FAF1: variants seen among roughly 807,000 people sequenced by gnomAD.
FAF1 encodes FAS-associated factor 1.
In FAF1, 25 loss-of-function variants were observed where a neutral mutation model predicts 92.5. That is an observed-to-expected ratio of 0.27 (90% confidence interval 0.20 to 0.38). FAF1 has a LOEUF of 0.38. Among genes scored for constraint, FAF1 ranks in the 10% least tolerant of loss-of-function variants. FAF1 has a pLI of 1.00. For missense variants in FAF1, 636 were observed against 793.3 expected (o/e 0.80, Z 2.38); for synonymous variants, 234 against 273.2 (o/e 0.86, Z 1.42).
Position 50,824,362 on chromosome 1 carries a change from T to A in FAF1, c.115-22685A>T, listed in dbSNP as rs190273048. 2.3e-3 allele frequency among the ~76,000 whole-genome samples: 352 copies of A among 152,258 alleles called. 1 individual carries two copies. The highest frequency in any genetic ancestry group is 8.3e-3 in the African/African-American group (344 of 41,570). On this transcript the variant is annotated intron_variant, in intron 2 of 18. Coordinates refer to ENST00000396153, the MANE Select transcript of FAF1 (RefSeq NM_007051.3). Reference sequence around the variant, plus strand: ...ACTGCCAAAACCTATTTGAAGATAGTTATTATACTGATCATTCATTTAGCA... The same window carrying A: ...ACTGCCAAAACCTATTTGAAGATAGATATTATACTGATCATTCATTTAGCA...
chr1:50,881,904 A>C (rs1191704198), intron 1 of FAF1, among the ~76,000 whole-genome samples: 1 of 152,208 alleles, frequency 6.6e-6, no homozygotes, highest in Non-Finnish European at 1.5e-5. Flanking sequence ...ATACAGGTAA[A>C]GCATAAATTT....
chr1:50,821,205 TAAAA>T (rs938024202), intron 2 of FAF1, among the ~76,000 whole-genome samples: 2 of 152,194 alleles, frequency 1.3e-5, no homozygotes, highest in African/African-American at 4.8e-5. Flanking sequence ...TATGCAACTT[TAAAA>T]AAAATCTATT....
chr1:50,535,493 C>A (rs1223332656), intron 14 of FAF1, 36 bp from the exon 15 acceptor site: 16 of 1,190,092 alleles, frequency 1.3e-5, no homozygotes, highest in Non-Finnish European at 2.0e-5. Flanking sequence ...CTTTTATAAT[C>A]ATTTTATATA....
chr1:50,719,577 A>C (rs779833706), intron 6 of FAF1, among the ~76,000 whole-genome samples: 4 of 152,236 alleles, frequency 2.6e-5, no homozygotes, highest in Non-Finnish European at 4.4e-5. Flanking sequence ...TATTAACCAA[A>C]GTATGTAAAA....
At position 50,735,480 on chromosome 1, in the gene FAF1, T is replaced by C. The variant is rs1249426807; in HGVS notation, c.551+3383A>G. On this transcript the variant is annotated intron_variant, in intron 6 of 18. Coordinates refer to ENST00000396153, the MANE Select transcript of FAF1 (RefSeq NM_007051.3). ...CAGTTTACAATTATAGGCACTCATATGGTAATTTTGCTGCTCTTAGTTTAT... is the reference window on the plus strand; with the variant it reads ...CAGTTTACAATTATAGGCACTCATACGGTAATTTTGCTGCTCTTAGTTTAT... Among the ~76,000 whole-genome samples, 3 of 152,240 alleles carry C rather than the reference T, an allele frequency of 2.0e-5. No homozygotes were observed. The East Asian group carries it at 5.8e-4, about 29-fold the overall frequency.
intron 7 of FAF1, among the ~76,000 whole-genome samples, chr1:50,695,141 C>T (rs1476399848): frequency 7.9e-5 from 12 of 152,020 alleles, no homozygotes; most frequent in Admixed American, 7.9e-4. Flanking sequence ...GGCACGGTGG[C>T]TCAAGTCTGT....
Position 50,691,668 on chromosome 1 carries a change from G to A in FAF1, c.657+14118C>T, listed in dbSNP as rs377733380. Among the ~76,000 whole-genome samples, 50 of 151,814 alleles carry A rather than the reference G, an allele frequency of 3.3e-4. 1 individual carries two copies. In the South Asian group the frequency reaches 7.3e-3, roughly 22 times the overall value. ...GTGCAATGGCGCGATCTCGGCTTACGCAACCTCCACCTCCCGGGTTCAAGC... is the reference window on the plus strand; with the variant it reads ...GTGCAATGGCGCGATCTCGGCTTACACAACCTCCACCTCCCGGGTTCAAGC... On this transcript the variant is annotated intron_variant, in intron 7 of 18. Coordinates refer to ENST00000396153, the MANE Select transcript of FAF1 (RefSeq NM_007051.3).
At chr1:50,478,289 G>A (rs1165679429) in intron 17 of FAF1, among the ~76,000 whole-genome samples, 5 of 151,526 alleles carry the variant, frequency 3.3e-5, no homozygotes, top group East Asian at 1.9e-4. Flanking sequence ...TCAGCCTCCC[G>A]AGTAGCTGGG....
In FAF1 at chr1:50,475,470, C is replaced by T. The variant is rs776195789; in HGVS notation, c.1863G>A (p.Arg621=). The change falls in exon 18 of 19, where the codon AGG becomes AGA. Residue 621 remains arginine (R), a synonymous_variant. Coordinates refer to ENST00000396153, the MANE Select transcript of FAF1 (RefSeq NM_007051.3). ...DEYKLLSTFP[R]RDVTQLDPNK... The stretch of plus-strand genomic sequence containing the variant: ...GATAGGTATGGGAACTTACGTCTCT[C>T]CTAGGAAAGGTGCTCAGTAACTTGT... 5.0e-6 allele frequency: 8 copies of T among 1,612,270 alleles called. No homozygotes were observed. The African/African-American group carries it at 1.1e-4, about 22-fold the overall frequency.
chr1:50,629,459 G>A (rs1009025751), intron 8 of FAF1, among the ~76,000 whole-genome samples: 2 of 152,074 alleles, frequency 1.3e-5, no homozygotes, highest in Non-Finnish European at 2.9e-5. Flanking sequence ...GTGAGCCACC[G>A]TGCCTGGCCT....
chr1:50,449,484 T>A (rs1174657504), intron 18 of FAF1, among the ~76,000 whole-genome samples: 1 of 149,036 alleles, frequency 6.7e-6, no homozygotes, highest in African/African-American at 2.5e-5. Context: ...AACAACTTTT[T>A]CTTTCTTTTT....
At chr1:50,957,356 T>TTC (rs1435718556) in intron 1 of FAF1, among the ~76,000 whole-genome samples, 4 of 105,384 alleles carry the variant, frequency 3.8e-5, no homozygotes, top group Admixed American at 1.8e-4. Flanking sequence ...TCTTTTTTTT[T>TTC]TTTTTTTTTT....
intron 8 of FAF1, among the ~76,000 whole-genome samples, chr1:50,605,333 C>A (rs1463074465): frequency 1.3e-5 from 2 of 152,104 alleles, no homozygotes; most frequent in African/African-American, 4.8e-5. Context: ...AAGTATTTTA[C>A]GTCATTAAAA....
intron 2 of FAF1, among the ~76,000 whole-genome samples, chr1:50,830,076 C>A (rs998438608): frequency 6.6e-6 from 1 of 152,128 alleles, no homozygotes; most frequent in Non-Finnish European, 1.5e-5. Flanking sequence ...TCTTCATGAC[C>A]CCCAAGGTAT....
At chr1:50,509,565 C>T (rs1647106895) in intron 15 of FAF1, among the ~76,000 whole-genome samples, 1 of 152,094 alleles carries the variant, frequency 6.6e-6, no homozygotes, top group Non-Finnish European at 1.5e-5. Flanking sequence ...TGAGCTGTGA[C>T]TGTACCACTG....
At chr1:50,681,674 A>AT (rs1211289812) in intron 7 of FAF1, among the ~76,000 whole-genome samples, 7,894 of 131,864 alleles carry the variant, frequency 0.06, 439 homozygotes, top group African/African-American at 0.16. Context: ...TGTAATCCCT[A>AT]TTTTTTTTTT....
intron 1 of FAF1, among the ~76,000 whole-genome samples, chr1:50,874,715 G>T (rs1335136373): frequency 2.9e-5 from 4 of 140,140 alleles, no homozygotes; most frequent in Admixed American, 1.4e-4. Flanking sequence ...GTTTATAGAT[G>T]ATTTAAGTCT....
At chr1:50,839,925 C>G (rs1644242415) in intron 2 of FAF1, among the ~76,000 whole-genome samples, 1 of 152,010 alleles carries the variant, frequency 6.6e-6, no homozygotes, top group Non-Finnish European at 1.5e-5. Context: ...CAAACCCATT[C>G]CTCAAAGCCA....
chr1:50,689,040 T>A (rs1279340615), intron 7 of FAF1, among the ~76,000 whole-genome samples: 1 of 152,102 alleles, frequency 6.6e-6, no homozygotes, highest in Non-Finnish European at 1.5e-5. Flanking sequence ...AATAAGGAGT[T>A]ACTGTTTAAT....
Sources: gnomAD v4.1 joint callset for allele counts (sites outside exome capture counted in the v4.1 genomes callset) on GRCh38, gnomAD v4.1.1 for gene constraint, MANE v1.5 for transcripts, NCBI Gene and HGNC (gene_info 2026-07-23, HGNC 2026-07-21) for gene names.